SI: variants seen among roughly 807,000 people sequenced by gnomAD.
The protein encoded by SI is sucrase-isomaltase, intestinal.
A neutral mutation model predicts 253.3 loss-of-function variants in SI; 235 were observed. That is an observed-to-expected ratio of 0.93 (90% CI 0.83 to 1.03). SI has a LOEUF of 1.03. SI is among the 50% of genes least tolerant of loss of function. The pLI is 0.00. For missense variants in SI, 2,442 were observed against 2,211.1 expected, an observed-to-expected ratio of 1.10 and a Z score of -2.09; for synonymous variants, 819 against 712.0, an observed-to-expected ratio of 1.15 and a Z score of -2.39.
Position 165,043,102 on chromosome 3 carries a change from G to A in SI, c.1961C>T (p.Ala654Val). Reference sequence around the variant, plus strand: ...ATGGTTTCTGGAAAATGGATAAAATGCCCCAAGTTGCATCCATCTTCTGCA... The same window carrying A: ...ATGGTTTCTGGAAAATGGATAAAATACCCCAAGTTGCATCCATCTTCTGCA... ...ELCRRWMQLG[A>V]FYPFSRNHNS... The change falls in exon 17 of 48, where the codon GCA (alanine) becomes GTA (valine). Residue 654 changes from alanine to valine, a missense_variant. Transcript: ENST00000264382. 1 of 1,612,282 alleles carries A rather than the reference G, an allele frequency of 6.2e-7. No homozygotes were observed. The highest frequency in any genetic ancestry group is 2.2e-5 in the East Asian group (1 of 44,702).
intron 16 of SI, among the ~76,000 whole-genome samples, chr3:165,046,331 G>C (rs1419143873): frequency 6.6e-6 from 1 of 151,900 alleles, no homozygotes; most frequent in Non-Finnish European, 1.5e-5. Context: ...GTTTGATAGA[G>C]TTAGACTTCT....
intron 46 of SI, 79 bp downstream of exon 46, chr3:164,982,923 T>G: frequency 7.3e-7 from 1 of 1,370,320 alleles, no homozygotes; most frequent in Non-Finnish European, 1.0e-6. Context: ...TGAACTAGGA[T>G]TACAGGCATG....
rs139689904 is a variant in SI, at chr3:165,016,039, T to A, written c.3801A>T (p.Leu1267=). ...YTDIDYMERQ[L]DFTIGEAFQD... is the part of the protein sequence containing the mutation. ...GGAATGCTTCACCAATTGTAAAGTC[T>A]AGCTGCCTTTCCATGTAGTCAATGT... is the stretch of plus-strand genomic sequence containing the variant. Residue 1267 remains leucine (L), a synonymous_variant, in exon 32 of 48, where the codon CTA becomes CTT. Transcript: ENST00000264382. 6.2e-7 allele frequency: 1 copy of A among 1,612,784 alleles called. No individual in the cohort carries two copies. Among genetic ancestry groups the A allele is most frequent in the African/African-American group, 1.3e-5 (1 of 74,998 alleles).
the SI span, among the ~76,000 whole-genome samples, chr3:165,083,911 C>T: frequency 6.6e-6 from 1 of 151,928 alleles, no homozygotes; most frequent in Admixed American, 6.6e-5. Flanking sequence ...TTCACTCATG[C>T]TTTGTTGTTT....
At chr3:165,059,859 T>C in intron 10 of SI, 43 bp downstream of exon 10, 1 of 1,592,114 alleles carries the variant, frequency 6.3e-7, no homozygotes, top group Non-Finnish European at 8.6e-7. Flanking sequence ...TGTGACAATA[T>C]TTAACTTGAT....
chr3:165,055,805 G>T (rs1223157824), intron 12 of SI, among the ~76,000 whole-genome samples: 1 of 152,020 alleles, frequency 6.6e-6, no homozygotes, highest in African/African-American at 2.4e-5. Context: ...ATCTTCATTA[G>T]AATTTTTGAA....
Position 165,040,993 on chromosome 3 carries a change from C to G in SI, c.2106G>C (p.Leu702=). The G allele has an allele frequency of 6.2e-7, 1 of 1,612,614 alleles. No homozygotes were observed. Among genetic ancestry groups the G allele is most frequent in the South Asian group, 1.1e-5 (1 of 91,060 alleles). Residue 702 remains leucine (L), a synonymous_variant, in exon 18 of 48, where the codon CTG becomes CTC. Coordinates refer to ENST00000264382, the MANE Select transcript of SI (RefSeq NM_001041.4). ...RYTLLPFLYT[L]FYKAHVFGET... is the part of the protein sequence containing the mutation. ...CTCCAAACACATGGGCTTTATAAAA[C>G]AGAGTGTAGAGGAAGGGTAATAAGG...
chr3:165,045,721 A>C (rs1002996262), intron 16 of SI, among the ~76,000 whole-genome samples: 1 of 151,548 alleles, frequency 6.6e-6, no homozygotes, highest in Non-Finnish European at 1.5e-5. Context: ...TTTAAATATT[A>C]ACAGCTGAAA....
chr3:164,983,296 A>G (rs931969257), intron 45 of SI, among the ~76,000 whole-genome samples: 4 of 152,146 alleles, frequency 2.6e-5, no homozygotes, highest in African/African-American at 4.8e-5. Flanking sequence ...GTGTAGGGGT[A>G]ATGATAAAAC....
intron 45 of SI, among the ~76,000 whole-genome samples, chr3:164,985,464 A>G (rs976385939): frequency 1.3e-5 from 2 of 152,160 alleles, no homozygotes; most frequent in Non-Finnish European, 1.5e-5. Flanking sequence ...TGTTAAAAAG[A>G]GGGATTTATT....
At chr3:165,009,685 A>T (rs1718682585) in intron 34 of SI, among the ~76,000 whole-genome samples, 1 of 152,140 alleles carries the variant, frequency 6.6e-6, no homozygotes. Flanking sequence ...AGTAATGGGG[A>T]AGCTTTTTTT....
In SI at chr3:165,048,580, T is replaced by TAGAG. The variant is rs71156876; in HGVS notation, c.1715+546_1715+547insCTCT. Reference sequence around the variant, plus strand: ...ACATATATATATGTATATATATATATATATAGAGAGAGAGAGAGAGAGAGA... The same window carrying TAGAG: ...ACATATATATATGTATATATATATATAGAGATATAGAGAGAGAGAGAGAGAGAGA... On this transcript the variant is annotated intron_variant, in intron 15 of 47. Coordinates refer to ENST00000264382, the MANE Select transcript of SI (RefSeq NM_001041.4). Among the ~76,000 whole-genome samples, 421 of 109,826 alleles carry TAGAG rather than the reference T, an allele frequency of 3.8e-3. 1 individual carries two copies. Among genetic ancestry groups the TAGAG allele is most frequent in the African/African-American group, 8.9e-3 (278 of 31,362 alleles). The allele number at this position is 109,826 out of a possible 152,430, so 72.1% of individuals were successfully genotyped here. A position where few individuals can be genotyped will look rare whatever the true frequency, so the allele number is the denominator to read the frequency against.
chr3:165,036,402 A>G lies in SI; in HGVS notation c.2502T>C (p.Asp834=), dbSNP rs1261422449. ...TTTCAGACTTACCTTTAGTTTCTCCATCATCCCAGAAAAAGTCTCCTTTGG... is the reference window on the plus strand; with the variant it reads ...TTTCAGACTTACCTTTAGTTTCTCCGTCATCCCAGAAAAAGTCTCCTTTGG... ...NTAKGDFFWD[D]GETKDTIQNG... is the part of the protein sequence containing the mutation. The change falls in exon 22 of 48, where the codon GAT becomes GAC. Residue 834 remains aspartate, a synonymous_variant. Coordinates refer to ENST00000264382, the MANE Select transcript of SI (RefSeq NM_001041.4). 9 of 1,609,280 alleles carry G rather than the reference A, an allele frequency of 5.6e-6. No homozygotes were observed. In the South Asian group the frequency reaches 8.8e-5, roughly 16 times the overall value.
At position 165,011,631 on chromosome 3, in the gene SI, G is replaced by A. The variant is rs540571647; in HGVS notation, c.4062+1349C>T. Among the ~76,000 whole-genome samples the A allele has an allele frequency of 7.2e-5, 11 of 151,734 alleles. No individual in the cohort carries two copies. The East Asian group carries it at 1.5e-3, about 21-fold the overall frequency. ...TGTCTGTTAAGTCCATTTGGCCTAC[G>A]GTGTTGTTAAAAACTGCTGTTTCTT... On this transcript the variant is annotated intron_variant, in intron 34 of 47. Transcript: ENST00000264382.
At chr3:164,993,389 G>A (rs1296508306) in intron 41 of SI, among the ~76,000 whole-genome samples, 1 of 151,594 alleles carries the variant, frequency 6.6e-6, no homozygotes, top group African/African-American at 2.4e-5. Context: ...TGTTGTTTTA[G>A]GAAAACTGGA....
rs886058146 is a variant in SI, at chr3:165,037,945, C to A, written c.2381G>T (p.Gly794Val). 6.2e-7 allele frequency: 1 copy of A among 1,611,336 alleles called. No homozygotes were observed. The highest frequency in any genetic ancestry group is 1.3e-5 in the African/African-American group (1 of 74,920). The change falls in exon 21 of 48, where the codon GGT becomes GTT. Residue 794 changes from glycine (G) to valine (V), a missense_variant. Gly to Val is a moderately radical substitution (Grantham distance 109, BLOSUM62 -3). Transcript: ENST00000264382. The part of the protein sequence containing the change: ...ADKIGLHLRG[G>V]YIIPIQEPDV... ...TGGTTCTTGAATGGGGATGATATAA[C>A]CTCCTCTAAGATGTAATCCTATTTT...
intron 16 of SI, among the ~76,000 whole-genome samples, chr3:165,043,751 T>C (rs1712974355): frequency 6.6e-6 from 1 of 152,100 alleles, no homozygotes; most frequent in Non-Finnish European, 1.5e-5. Flanking sequence ...TTTTTCTGTG[T>C]AAGTATATAT....
At chr3:165,044,399 A>T (rs1050144999) in intron 16 of SI, among the ~76,000 whole-genome samples, 1 of 152,056 alleles carries the variant, frequency 6.6e-6, no homozygotes, top group Admixed American at 6.6e-5. Context: ...GCACACGAAG[A>T]TTCCCCTTCT....
At chr3:165,081,268 C>G (rs1715312785), upstream of SI, among the ~76,000 whole-genome samples, 1 of 151,816 alleles carries the variant, frequency 6.6e-6, no homozygotes, top group Non-Finnish European at 1.5e-5. Context: ...TGTCCAAAAA[C>G]TTTAAAACTT....
Sources: gnomAD v4.1 joint callset for allele counts (sites outside exome capture counted in the v4.1 genomes callset) on GRCh38, gnomAD v4.1.1 for gene constraint, MANE v1.5 for transcripts, NCBI Gene and HGNC (gene_info 2026-07-23, HGNC 2026-07-21) for gene names.